The following LRRTM4 variants were observed in gnomAD, a reference collection of about 807,000 sequenced individuals.
LRRTM4 encodes leucine rich repeat transmembrane neuronal 4, also known as leucine-rich repeat transmembrane neuronal protein 4.
A neutral mutation model predicts 47.6 loss-of-function variants in LRRTM4; 25 were observed. The ratio of observed to expected loss-of-function variants is 0.53; its 90% CI spans 0.38 to 0.73. The LOEUF (loss-of-function observed/expected upper bound fraction) is 0.73. Among genes scored for constraint, LRRTM4 ranks in the 30% least tolerant of loss-of-function variants. LRRTM4 has a pLI of 0.00. For synonymous variants in LRRTM4, 311 were observed against 269.5 expected, an observed-to-expected ratio of 1.15 and a Z score of -1.51; for missense variants, 638 against 713.4, an observed-to-expected ratio of 0.89 and a Z score of 1.20.
chr2:77,161,856 T>C (rs1415730314), intron 3 of LRRTM4, among the ~76,000 whole-genome samples: 1 of 152,176 alleles, frequency 6.6e-6, no homozygotes, highest in Non-Finnish European at 1.5e-5. Flanking sequence ...TATTTTGAGG[T>C]TAATTAATTG....
intron 3 of LRRTM4, among the ~76,000 whole-genome samples, chr2:77,363,454 T>A (rs1379304980): frequency 3.9e-5 from 6 of 152,214 alleles, no homozygotes; most frequent in African/African-American, 1.4e-4. Flanking sequence ...AACAATGAGA[T>A]GGAAACTAAC....
rs1264358717 is a variant in LRRTM4 at position 77,267,124 on chromosome 2, T to G, written c.1551+251194A>C. Among the ~76,000 whole-genome samples, 6 of 152,288 alleles carry G rather than the reference T, an allele frequency of 3.9e-5. No individual in the cohort carries two copies. In the East Asian group the frequency reaches 1.2e-3, roughly 29 times the overall value. On this transcript the variant is annotated intron_variant, in intron 3 of 3. Coordinates refer to ENST00000409884, the MANE Select transcript of LRRTM4 (RefSeq NM_001134745.3). ...ATAAGCTTTTTAGTGCCTCATTTAT[T>G]ATCTGCAGAAATCCCCCAGAAAGCA...
chr2:77,044,457 G>A (rs907286020), intron 3 of LRRTM4, among the ~76,000 whole-genome samples: 5 of 151,632 alleles, frequency 3.3e-5, no homozygotes, highest in East Asian at 3.9e-4. Flanking sequence ...ACTAAAAGAG[G>A]AAATCCATAT....
chr2:76,801,409 C>A (rs1252497099), intron 3 of LRRTM4, among the ~76,000 whole-genome samples: 1 of 151,742 alleles, frequency 6.6e-6, no homozygotes, highest in Non-Finnish European at 1.5e-5. Flanking sequence ...TAAACTATCG[C>A]AAGAACAAAA....
intron 3 of LRRTM4, among the ~76,000 whole-genome samples, chr2:76,824,136 C>G (rs895997963): frequency 6.6e-6 from 1 of 151,522 alleles, no homozygotes; most frequent in African/African-American, 2.4e-5. Flanking sequence ...TAATTCCTAT[C>G]TATAGACATG....
chr2:76,885,701 G>A (rs1180511522), intron 3 of LRRTM4, among the ~76,000 whole-genome samples: 3 of 151,936 alleles, frequency 2.0e-5, no homozygotes, highest in African/African-American at 7.2e-5. Flanking sequence ...TCCTGACGTC[G>A]TGATCCGCCC....
intron 3 of LRRTM4, among the ~76,000 whole-genome samples, chr2:77,268,135 T>C (rs940245234): frequency 6.6e-6 from 1 of 152,156 alleles, no homozygotes; most frequent in South Asian, 2.1e-4. Context: ...AGTGACTTTC[T>C]AATTTCTGTG....
intron 3 of LRRTM4, among the ~76,000 whole-genome samples, chr2:77,424,823 G>A (rs1675043984): frequency 6.6e-6 from 1 of 152,092 alleles, no homozygotes; most frequent in Admixed American, 6.5e-5. Flanking sequence ...TACTATATTT[G>A]GCTATAGACC....
chr2:76,769,616 C>T (rs1322387574), intron 3 of LRRTM4, among the ~76,000 whole-genome samples: 1 of 152,026 alleles, frequency 6.6e-6, no homozygotes, highest in Non-Finnish European at 1.5e-5. Flanking sequence ...CATTGGTCCA[C>T]CTACTGTAAT....
chr2:77,053,463 T>G (rs1046071301), intron 3 of LRRTM4, among the ~76,000 whole-genome samples: 1 of 152,154 alleles, frequency 6.6e-6, no homozygotes, highest in Non-Finnish European at 1.5e-5. Flanking sequence ...AAATGGATAA[T>G]AGAAAGACAA....
At chr2:77,084,258 G>C (rs771313049) in intron 3 of LRRTM4, among the ~76,000 whole-genome samples, 1 of 152,116 alleles carries the variant, frequency 6.6e-6, no homozygotes, top group Non-Finnish European at 1.5e-5. Flanking sequence ...CTTAGATTCC[G>C]ACACTTGTAA....
At chr2:77,076,420 G>GC (rs1553383084) in intron 3 of LRRTM4, among the ~76,000 whole-genome samples, 1 of 129,958 alleles carries the variant, frequency 7.7e-6, no homozygotes, top group South Asian at 2.4e-4. Context: ...AACAGTTTCA[G>GC]CCCGTTACTC....
intron 3 of LRRTM4, among the ~76,000 whole-genome samples, chr2:77,098,589 GA>G (rs1390008151): frequency 1.3e-5 from 2 of 152,030 alleles, no homozygotes; most frequent in African/African-American, 4.8e-5. Context: ...TCTTGCTAAG[GA>G]AATATTGCTT....
At chr2:76,778,748 G>C (rs1674177804) in intron 3 of LRRTM4, among the ~76,000 whole-genome samples, 1 of 150,390 alleles carries the variant, frequency 6.6e-6, no homozygotes, top group Admixed American at 6.6e-5. Flanking sequence ...GGTTTTTTGT[G>C]TCTCTATTTC....
chr2:77,228,101 C>T (rs1383566971), intron 3 of LRRTM4, among the ~76,000 whole-genome samples: 1 of 151,996 alleles, frequency 6.6e-6, no homozygotes, highest in Non-Finnish European at 1.5e-5. Flanking sequence ...ATTCTTATAG[C>T]ACAATGCAAA....
intron 3 of LRRTM4, among the ~76,000 whole-genome samples, chr2:77,490,420 T>A (rs745984605): frequency 6.6e-6 from 1 of 151,936 alleles, no homozygotes; most frequent in Non-Finnish European, 1.5e-5. Flanking sequence ...AAACTAAAGC[T>A]AAATGTAAAA....
chr2:77,408,184 C>T (rs545011123), intron 3 of LRRTM4, among the ~76,000 whole-genome samples: 7 of 152,124 alleles, frequency 4.6e-5, no homozygotes, highest in African/African-American at 1.2e-4. Context: ...AATCCTGCCC[C>T]CCAGGGGGAG....
chr2:77,260,417 ATAGT>A (rs1675889410), intron 3 of LRRTM4, among the ~76,000 whole-genome samples: 1 of 145,162 alleles, frequency 6.9e-6, no homozygotes, highest in Non-Finnish European at 1.5e-5. Flanking sequence ...GTGTGTGTAG[ATAGT>A]TGATTGGCTG....
chr2:76,759,434 A>G (rs1434456836), intron 3 of LRRTM4, among the ~76,000 whole-genome samples: 5 of 152,166 alleles, frequency 3.3e-5, no homozygotes, highest in Non-Finnish European at 7.4e-5. Flanking sequence ...ATTTAGATCA[A>G]ACATGATCTG....
Sources: gnomAD v4.1 joint callset for allele counts (sites outside exome capture counted in the v4.1 genomes callset) on GRCh38, gnomAD v4.1.1 for gene constraint, MANE v1.5 for transcripts, NCBI Gene and HGNC (gene_info 2026-07-23, HGNC 2026-07-21) for gene names.